The following PCGF5 variants were observed in gnomAD, a reference collection of about 807,000 sequenced individuals.
PCGF5 encodes the protein polycomb group RING finger protein 5.
PCGF5 carries 9 observed loss-of-function variants against 44.3 expected under a neutral mutation model. That is an observed-to-expected ratio of 0.20 (90% CI 0.12 to 0.35). The LOEUF is 0.35. Among genes scored for constraint, PCGF5 ranks in the 10% least tolerant of loss-of-function variants. The pLI is 1.00. For synonymous variants in PCGF5, 95 were observed against 102.5 expected (o/e 0.93, Z 0.44); for missense variants, 146 against 305.3 (o/e 0.48, Z 3.89).
chr10:91,230,786 G>GT (rs760536634), intron 2 of PCGF5, among the ~76,000 whole-genome samples: 5 of 151,884 alleles, frequency 3.3e-5, no homozygotes, highest in South Asian at 2.1e-4. Flanking sequence ...TGCCCAGCTA[G>GT]TTTTTTTTGT....
At chr10:91,259,671 C>G (rs1404954170) in intron 6 of PCGF5, among the ~76,000 whole-genome samples, 1 of 152,124 alleles carries the variant, frequency 6.6e-6, no homozygotes, top group Non-Finnish European at 1.5e-5. Flanking sequence ...TGCCGCATAT[C>G]TACAACTATC....
intron 1 of PCGF5, among the ~76,000 whole-genome samples, chr10:91,163,716 G>T (rs1456429534): frequency 6.6e-6 from 1 of 152,096 alleles, no homozygotes; most frequent in African/African-American, 2.4e-5. Context: ...CGAGAGGCGC[G>T]TTGGGGAGGG....
chr10:91,213,640 T>C (rs1313399923), intron 1 of PCGF5, among the ~76,000 whole-genome samples: 4 of 136,330 alleles, frequency 2.9e-5, no homozygotes, highest in African/African-American at 1.3e-4. Context: ...TTTTTTTTTC[T>C]TTTTTTTTTT....
intron 1 of PCGF5, among the ~76,000 whole-genome samples, chr10:91,186,544 A>ATATATATATAAATGTGTGTGTGTG (rs1487172071): frequency 1.8e-5 from 1 of 54,864 alleles, no homozygotes; most frequent in Non-Finnish European, 4.6e-5. Context: ...GTGTGTGTGT[A>ATATATATATAAATGTGTGTGTGTG]TATATATATA....
intron 1 of PCGF5, among the ~76,000 whole-genome samples, chr10:91,168,134 T>A (rs1256414750): frequency 6.6e-6 from 1 of 152,182 alleles, no homozygotes; most frequent in East Asian, 1.9e-4. Flanking sequence ...ATGAGAGCCA[T>A]TAAAAATACA....
intron 1 of PCGF5, among the ~76,000 whole-genome samples, chr10:91,190,858 A>G (rs1229964218): frequency 6.6e-6 from 1 of 152,240 alleles, no homozygotes; most frequent in African/African-American, 2.4e-5. Flanking sequence ...ATTTCACATC[A>G]GTTCCTGCTG....
chr10:91,281,405 A>T lies in PCGF5; in HGVS notation c.*3089A>T, dbSNP rs1248035295. 2 of 152,586 alleles carry T rather than the reference A, an allele frequency of 1.3e-5. No individual in the cohort carries two copies. Among genetic ancestry groups the T allele is most frequent in the African/African-American group, 4.8e-5 (2 of 41,460 alleles). 9.5% of individuals were successfully genotyped at this position (152,586 alleles called of 1,614,324 possible). On this transcript the variant is annotated 3_prime_UTR_variant, in exon 10 of 10. Transcript: ENST00000336126. ...TTTAAGGAAAAAAAGTGTGTTATAT[A>T]ATATTGTGAACTGTTTAGCTTTACT... is the stretch of plus-strand genomic sequence containing the variant.
rs1484628620 is a variant in PCGF5, at chr10:91,280,667, A to C, written c.*2351A>C. ...ACTACTAGAATCACAGATTTCTTCAACTGACTTATTTTGGTATATTCAACT... is the reference window on the plus strand; with the variant it reads ...ACTACTAGAATCACAGATTTCTTCACCTGACTTATTTTGGTATATTCAACT... On this transcript the variant is annotated 3_prime_UTR_variant, in exon 10 of 10. Coordinates refer to ENST00000336126, the MANE Select transcript of PCGF5 (RefSeq NM_032373.5). 1 of 152,430 alleles carries C rather than the reference A, an allele frequency of 6.6e-6. No individual in the cohort carries two copies. The highest frequency in any genetic ancestry group is 1.5e-5 in the Non-Finnish European group (1 of 67,878). 9.4% of individuals were successfully genotyped at this position (152,430 alleles called of 1,614,324 possible).
At chr10:91,198,323 C>T (rs1020428094) in intron 1 of PCGF5, among the ~76,000 whole-genome samples, 6 of 152,318 alleles carry the variant, frequency 3.9e-5, no homozygotes, top group South Asian at 2.1e-4. Context: ...ACATCAGCAT[C>T]GTTCCTGCTT....
At chr10:91,204,452 A>G (rs2133239781) in intron 1 of PCGF5, among the ~76,000 whole-genome samples, 1 of 152,344 alleles carries the variant, frequency 6.6e-6, no homozygotes, top group Middle Eastern at 3.4e-3. Flanking sequence ...TTCTTCTAGA[A>G]TGCAGACTCT....
At chr10:91,192,451 A>G (rs958834584) in intron 1 of PCGF5, among the ~76,000 whole-genome samples, 1 of 152,236 alleles carries the variant, frequency 6.6e-6, no homozygotes, top group African/African-American at 2.4e-5. Context: ...TAAGAAAGCA[A>G]TTCTTTGGTA....
chr10:91,238,608 T>TC (rs1845238921), intron 2 of PCGF5, among the ~76,000 whole-genome samples: 1 of 102,784 alleles, frequency 9.7e-6, no homozygotes, highest in African/African-American at 3.3e-5. Flanking sequence ...TTTCTTTTTT[T>TC]TTTTTTTTTT....
chr10:91,176,890 C>T (rs990335723), intron 1 of PCGF5, among the ~76,000 whole-genome samples: 4 of 152,106 alleles, frequency 2.6e-5, no homozygotes, highest in African/African-American at 4.8e-5. Context: ...TCGTCTGAAG[C>T]CTTCTTCTCT....
chr10:91,170,465 C>T (rs188914641), intron 1 of PCGF5, among the ~76,000 whole-genome samples: 1 of 152,268 alleles, frequency 6.6e-6, no homozygotes, highest in East Asian at 1.9e-4. Flanking sequence ...TAACAGACAC[C>T]TCACCAGAGA....
intron 6 of PCGF5, among the ~76,000 whole-genome samples, chr10:91,253,831 T>C (rs1284743423): frequency 6.6e-6 from 1 of 152,120 alleles, no homozygotes; most frequent in Non-Finnish European, 1.5e-5. Context: ...TGGTAAGTAT[T>C]TTAGGCTCTG....
chr10:91,200,608 G>T (rs1844234669), intron 1 of PCGF5, among the ~76,000 whole-genome samples: 1 of 152,152 alleles, frequency 6.6e-6, no homozygotes, highest in African/African-American at 2.4e-5. Context: ...TTGTTTTTAA[G>T]ATATTGAGTC....
intron 1 of PCGF5, among the ~76,000 whole-genome samples, chr10:91,187,291 A>T (rs1843943514): frequency 6.6e-6 from 1 of 152,128 alleles, no homozygotes; most frequent in Non-Finnish European, 1.5e-5. Context: ...TCGGTTTGGG[A>T]ACCACTGTTA....
chr10:91,240,743 A>G (rs1188156057), intron 3 of PCGF5, among the ~76,000 whole-genome samples, 163 bp downstream of exon 3: 1 of 152,130 alleles, frequency 6.6e-6, no homozygotes, highest in Non-Finnish European at 1.5e-5. Flanking sequence ...ATTAAGGAGT[A>G]TTAAAAATAA....
intron 1 of PCGF5, among the ~76,000 whole-genome samples, chr10:91,204,971 G>A (rs1054833404): frequency 5.3e-5 from 8 of 152,092 alleles, no homozygotes; most frequent in African/African-American, 1.9e-4. Context: ...TATTTAAATT[G>A]AAATATATCT....
Sources: allele counts gnomAD v4.1 joint callset (sites outside exome capture counted in the v4.1 genomes callset), GRCh38; gene constraint gnomAD v4.1.1; transcripts MANE v1.5; gene names NCBI Gene and HGNC (gene_info 2026-07-23, HGNC 2026-07-21).